Variants in BCAP31 observed in about 807,000 individuals in gnomAD.
BCAP31 encodes the protein B-cell receptor-associated protein 31.
For missense variants in BCAP31, 124 were observed against 193.0 expected, an observed-to-expected ratio of 0.64 and a Z score of 2.12; for synonymous variants, 75 against 80.9, an observed-to-expected ratio of 0.93 and a Z score of 0.39.
At chrX:153,723,755 G>T in intron 1 of BCAP31, 1 of 1,035,845 alleles carries the variant, frequency 9.7e-7, no homozygotes. Context: ...GCCCAAGGCC[G>T]CACCTAGTCC....
chrX:153,721,180 A>C (rs1368509455), intron 2 of BCAP31: 2 of 382,950 alleles, frequency 5.2e-6, no homozygotes, highest in African/African-American at 2.5e-5. Context: ...TCACACCTGT[A>C]ATCTCAGCAC....
chrX:153,708,932 C>A (rs1348307319), intron 4 of BCAP31, among the ~76,000 whole-genome samples: 2 of 112,210 alleles, frequency 1.8e-5, no homozygotes, highest in Non-Finnish European at 3.8e-5. Context: ...GAGGCCGTTT[C>A]AAATGAGAAC....
chrX:153,711,169 G>A (rs1208752972), intron 4 of BCAP31, among the ~76,000 whole-genome samples: 9 of 29 alleles, frequency 0.31, no homozygotes, highest in South Asian at 1. Context: ...AGGGGGCTGC[G>A]TCCTCGATTC....
chrX:153,720,639 C>T (rs1333757130), intron 3 of BCAP31, among the ~76,000 whole-genome samples: 1 of 112,379 alleles, frequency 8.9e-6, no homozygotes, highest in Non-Finnish European at 1.9e-5. Context: ...GCTGGGATTA[C>T]AGGCATGAGC....
intron 3 of BCAP31, among the ~76,000 whole-genome samples, chrX:153,719,660 G>A (rs1043911133): frequency 9.0e-6 from 1 of 111,012 alleles, no homozygotes; most frequent in African/African-American, 3.3e-5. Context: ...AGTGTTCCAC[G>A]CCTAGGCAGG....
chrX:153,707,092 G>A (rs1172825427), intron 4 of BCAP31, among the ~76,000 whole-genome samples: 2 of 110,983 alleles, frequency 1.8e-5, no homozygotes, highest in African/African-American at 3.3e-5. Flanking sequence ...TCTCCAGGCC[G>A]GAATGTCCTC....
At chrX:153,701,394 C>T (rs1287205589) in intron 7 of BCAP31, among the ~76,000 whole-genome samples, 1 of 112,923 alleles carries the variant, frequency 8.9e-6, no homozygotes. Flanking sequence ...ACCCTTCCTC[C>T]CCACCTGCTG....
chrX:153,701,883 CA>C (rs1489291305), intron 7 of BCAP31, 123 bp downstream of exon 7: 7 of 597,248 alleles, frequency 1.2e-5, no homozygotes, highest in Admixed American at 7.7e-5. Context: ...CAGAGGTGGC[CA>C]GGGGGAGTGG....
intron 6 of BCAP31, chrX:153,702,564 G>A (rs1345083885): frequency 1.1e-5 from 2 of 182,371 alleles, no homozygotes; most frequent in Admixed American, 7.1e-5. Context: ...CTTGGGAGCC[G>A]CCCACTCCCC....
At position 153,702,047 on chromosome X, in the gene BCAP31, T is replaced by A. The variant is rs1603221794; in HGVS notation, c.662A>T (p.Lys221Met). ...AMRKQSEGLT[K>M]EYDRLLEEHA... ...CTCCTCCAGCAAGCGGTCGTACTCC[T>A]TGGTGAGGCCCTCAGACTGCTTCCG... Residue 221 changes from lysine to methionine, a missense_variant, in exon 7 of 8, where the codon AAG becomes ATG. Lys to Met is a moderately conservative substitution (Grantham distance 95). Transcript: ENST00000345046. The A allele has an allele frequency of 1.2e-5, 14 of 1,211,944 alleles. No homozygotes were observed. In the African/African-American group the frequency reaches 1.6e-4, roughly 13 times the overall value.
intron 3 of BCAP31, among the ~76,000 whole-genome samples, chrX:153,716,646 G>A (rs1204049613): frequency 9.2e-6 from 1 of 108,673 alleles, no homozygotes; most frequent in African/African-American, 3.4e-5. Context: ...TGTAGTCCCA[G>A]CTACTCGGGA....
intron 3 of BCAP31, among the ~76,000 whole-genome samples, chrX:153,716,867 T>C (rs1383348690): frequency 8.9e-6 from 1 of 112,811 alleles, no homozygotes; most frequent in Non-Finnish European, 1.9e-5. Flanking sequence ...CAATGGGTTT[T>C]ATTATCTATA....
At position 153,700,828 on chromosome X, in the gene BCAP31, G is replaced by A. The variant is rs781798131; in HGVS notation, c.*109C>T. On this transcript the variant is annotated 3_prime_UTR_variant, in exon 8 of 8. Coordinates refer to ENST00000345046, the MANE Select transcript of BCAP31 (RefSeq NM_001256447.2). ...CTATGAGCTGTGGAAGGGAATGGGG[G>A]AAGCAGAAGGGCACAAACAGAAGTA... The A allele has an allele frequency of 1.1e-4, 84 of 778,795 alleles. No homozygotes were observed. The highest frequency in any genetic ancestry group is 1.5e-4 in the Non-Finnish European group (80 of 524,309). 64.2% of individuals were successfully genotyped at this position (778,795 alleles called of 1,213,427 possible). A position where few individuals can be genotyped will look rare whatever the true frequency, so the allele number is the denominator to read the frequency against.
rs1297240325 is a variant in BCAP31 at position 153,700,622 on chromosome X, G to C, written c.*315C>G. ...AAAAAGGGGCTCAAACCAACAGGAA[G>C]TCAGCCCCACCGCAAGCCGGACTAC... On this transcript the variant is annotated 3_prime_UTR_variant, in exon 8 of 8. Transcript: ENST00000345046. 3 of 257,277 alleles carry C rather than the reference G, an allele frequency of 1.2e-5. No individual in the cohort carries two copies. Among genetic ancestry groups the C allele is most frequent in the African/African-American group, 8.6e-5 (3 of 34,782 alleles). The allele number at this position is 257,277 out of a possible 1,213,427, so 21.2% of individuals were successfully genotyped here.
chrX:153,714,948 A>G (rs1425761118), intron 4 of BCAP31, among the ~76,000 whole-genome samples: 1 of 111,545 alleles, frequency 9.0e-6, no homozygotes, highest in Admixed American at 9.5e-5. Context: ...CCCAGGCTCA[A>G]ATAGGCACTT....
chrX:153,722,507 C>G lies in BCAP31; in HGVS notation c.92+646G>C, dbSNP rs899988458. 3.6e-5 allele frequency among the ~76,000 whole-genome samples: 4 copies of G among 112,117 alleles called. No individual in the cohort carries two copies. The East Asian group carries it at 1.1e-3, about 31-fold the overall frequency. On this transcript the variant is annotated intron_variant, in intron 2 of 7. Coordinates refer to ENST00000345046, the MANE Select transcript of BCAP31 (RefSeq NM_001256447.2). ...CTACAAGAATCCTCCTCAGACAGCA[C>G]TGCATACTTTCTATGGTATCACATC... is the stretch of plus-strand genomic sequence containing the variant.
At chrX:153,710,364 CTGTTT>C (rs782063756) in intron 4 of BCAP31, among the ~76,000 whole-genome samples, 1,222 of 111,764 alleles carry the variant, frequency 0.011, 5 homozygotes, top group Non-Finnish European at 0.018. Context: ...CATCTACAGG[CTGTTT>C]CATGGGTGGA....
At chrX:153,720,203 A>C (rs1027420035) in intron 3 of BCAP31, among the ~76,000 whole-genome samples, 51 of 111,715 alleles carry the variant, frequency 4.6e-4, no homozygotes, top group African/African-American at 1.6e-3. Flanking sequence ...GTCACAGGCC[A>C]GTTAGCTTCT....
At chrX:153,723,038 T>G in intron 2 of BCAP31, 115 bp downstream of exon 2, 1 of 972,587 alleles carries the variant, frequency 1.0e-6, no homozygotes, top group Admixed American at 3.1e-5. Flanking sequence ...CCAGACAGGT[T>G]CTACCTGTTC....
Sources: allele counts gnomAD v4.1 joint callset (sites outside exome capture counted in the v4.1 genomes callset), GRCh38; gene constraint gnomAD v4.1.1; transcripts MANE v1.5; gene names NCBI Gene and HGNC (gene_info 2026-07-23, HGNC 2026-07-21).